FTO: variants seen among roughly 807,000 people sequenced by gnomAD.
FTO encodes FTO alpha-ketoglutarate dependent dioxygenase.
In FTO, 47 loss-of-function variants were observed where a neutral mutation model predicts 63.9. That is an observed-to-expected ratio of 0.74 (90% CI 0.58 to 0.94). The LOEUF (loss-of-function observed/expected upper bound fraction) is 0.94, where lower values mean the gene tolerates loss of function less well. Ranked by LOEUF, FTO falls within the 40% of genes least tolerant of loss-of-function variation. The probability of loss-of-function intolerance (pLI) is 0.00; values close to 1 mark genes in which losing one functional copy is unlikely to be tolerated. For missense variants in FTO, 562 were observed against 618.1 expected, an observed-to-expected ratio of 0.91 and a Z score of 0.96; for synonymous variants, 207 against 224.4, an observed-to-expected ratio of 0.92 and a Z score of 0.69.
intron 4 of FTO, among the ~76,000 whole-genome samples, chr16:53,848,456 A>G (rs2079696382): frequency 6.6e-6 from 1 of 152,172 alleles, no homozygotes; most frequent in Admixed American, 6.5e-5. Flanking sequence ...GTGCCTGAGG[A>G]CATGCTTAAC....
intron 8 of FTO, among the ~76,000 whole-genome samples, chr16:54,064,981 G>C (rs934017170): frequency 1.3e-5 from 2 of 152,056 alleles, no homozygotes; most frequent in Non-Finnish European, 2.9e-5. Flanking sequence ...ATTCTGATGT[G>C]CAAGGATGCT....
chr16:53,891,530 G>A (rs2081150112), intron 7 of FTO, among the ~76,000 whole-genome samples: 1 of 151,956 alleles, frequency 6.6e-6, no homozygotes, highest in Non-Finnish European at 1.5e-5. Flanking sequence ...GTGTGGTGGT[G>A]CATGTCTATG....
At chr16:54,061,749 T>A (rs2085582737) in intron 8 of FTO, 1 of 152,158 alleles carries the variant, frequency 6.6e-6, no homozygotes, top group South Asian at 2.1e-4. Context: ...TGACTATCTA[T>A]TTTTCTAATA....
intron 7 of FTO, among the ~76,000 whole-genome samples, chr16:53,925,603 G>T (rs1190204536): frequency 2.6e-5 from 4 of 152,130 alleles, no homozygotes; most frequent in African/African-American, 7.2e-5. Flanking sequence ...GGGGTTACAG[G>T]CCTATCAGAA....
intron 4 of FTO, among the ~76,000 whole-genome samples, chr16:53,853,530 G>T (rs13337591): frequency 0.34 from 51,054 of 151,040 alleles, 9,886 homozygotes; most frequent in East Asian, 0.71. Flanking sequence ...ACACCTTCAT[G>T]TGCCCATAGC....
intron 2 of FTO, among the ~76,000 whole-genome samples, chr16:53,822,170 T>G (rs894834034): frequency 6.6e-6 from 1 of 152,178 alleles, no homozygotes; most frequent in African/African-American, 2.4e-5. Flanking sequence ...ATGACCAGCA[T>G]ACATTCTTAG....
At chr16:54,064,539 C>G (rs1789041798) in intron 8 of FTO, among the ~76,000 whole-genome samples, 1 of 152,154 alleles carries the variant, frequency 6.6e-6, no homozygotes, top group Non-Finnish European at 1.5e-5. Flanking sequence ...AAAGGAAACT[C>G]TATTTTAAAA....
At chr16:53,840,234 A>T (rs1284539293) in intron 3 of FTO, among the ~76,000 whole-genome samples, 2 of 152,148 alleles carry the variant, frequency 1.3e-5, no homozygotes, top group South Asian at 4.1e-4. Flanking sequence ...CTCTATCTGT[A>T]ATCATTAGTG....
chr16:53,832,992 A>G (rs1484614471), intron 3 of FTO, among the ~76,000 whole-genome samples: 1 of 152,202 alleles, frequency 6.6e-6, no homozygotes, highest in Non-Finnish European at 1.5e-5. Context: ...GTCCCTGGGC[A>G]AATATCAACT....
intron 1 of FTO, among the ~76,000 whole-genome samples, chr16:53,757,329 A>AACATATTT (rs2076947609): frequency 6.6e-6 from 1 of 152,094 alleles, no homozygotes; most frequent in African/African-American, 2.4e-5. Flanking sequence ...AACATCACTG[A>AACATATTT]ACATATTTAT....
rs149056159 is a variant in FTO, at chr16:53,710,484, C to T, written c.45+6255C>T. Reference sequence around the variant, plus strand: ...TTCACCATGTTGGCCAGCCTGATCTCGAACTCCTGACCTCGTGATTCACCT... The same window carrying T: ...TTCACCATGTTGGCCAGCCTGATCTTGAACTCCTGACCTCGTGATTCACCT... On this transcript the variant is annotated intron_variant, in intron 1 of 8. Transcript: ENST00000471389. Among the ~76,000 whole-genome samples the T allele has an allele frequency of 7.9e-3, 1,202 of 152,084 alleles. 16 individuals carry two copies. The highest frequency in any genetic ancestry group is 0.013 in the Non-Finnish European group (869 of 67,970).
chr16:53,823,040 C>G (rs556661236), intron 2 of FTO, among the ~76,000 whole-genome samples: 1 of 152,310 alleles, frequency 6.6e-6, no homozygotes, highest in East Asian at 1.9e-4. Flanking sequence ...CCCTTCATAG[C>G]AGAACCATTC....
At chr16:53,778,335 C>T (rs1350247822) in intron 1 of FTO, among the ~76,000 whole-genome samples, 1 of 152,066 alleles carries the variant, frequency 6.6e-6, no homozygotes, top group Non-Finnish European at 1.5e-5. Context: ...ACAATGTATA[C>T]AAATGTCAAA....
intron 3 of FTO, among the ~76,000 whole-genome samples, chr16:53,840,955 G>A (rs1036682487): frequency 2.0e-5 from 3 of 151,498 alleles, no homozygotes; most frequent in Non-Finnish European, 2.9e-5. Context: ...AGGAAATATG[G>A]TTGAGGTCAA....
At chr16:53,762,891 C>A (rs1376712243) in intron 1 of FTO, among the ~76,000 whole-genome samples, 1 of 152,092 alleles carries the variant, frequency 6.6e-6, no homozygotes, top group African/African-American at 2.4e-5. Context: ...TTAATTTAAT[C>A]AATATCTCAT....
At chr16:54,082,206 C>T (rs1303617380) in intron 8 of FTO, among the ~76,000 whole-genome samples, 2 of 152,188 alleles carry the variant, frequency 1.3e-5, no homozygotes, top group African/African-American at 4.8e-5. Flanking sequence ...GGTGGTGTCA[C>T]TCTCTCCAAA....
At chr16:54,049,596 G>A (rs561213724) in intron 8 of FTO, among the ~76,000 whole-genome samples, 1 of 152,348 alleles carries the variant, frequency 6.6e-6, no homozygotes, top group African/African-American at 2.4e-5. Flanking sequence ...GGAAATACCA[G>A]ATGAAATGAA....
intron 4 of FTO, among the ~76,000 whole-genome samples, chr16:53,853,714 C>G (rs980079105): frequency 5.3e-5 from 8 of 152,064 alleles, no homozygotes; most frequent in African/African-American, 1.7e-4. Flanking sequence ...TTTTCTTTAT[C>G]TACTCAACAG....
chr16:54,096,631 T>A (rs1195703575), intron 8 of FTO, among the ~76,000 whole-genome samples: 1 of 151,940 alleles, frequency 6.6e-6, no homozygotes, highest in Admixed American at 6.6e-5. Flanking sequence ...TGAATCAGAG[T>A]TTAAGAGTGA....
Sources: allele counts gnomAD v4.1 joint callset (sites outside exome capture counted in the v4.1 genomes callset), GRCh38; gene constraint gnomAD v4.1.1; transcripts MANE v1.5; gene names NCBI Gene and HGNC (gene_info 2026-07-23, HGNC 2026-07-21).